Variants in PLEKHA6 observed in about 807,000 individuals in gnomAD.
PLEKHA6 encodes pleckstrin homology domain containing A6, also known as pleckstrin homology domain-containing family A member 6.
A neutral mutation model predicts 116.7 loss-of-function variants in PLEKHA6; 60 were observed. The ratio of observed to expected loss-of-function variants is 0.51; its 90% CI spans 0.42 to 0.64. The LOEUF (loss-of-function observed/expected upper bound fraction) is 0.64, where lower values mean the gene tolerates loss of function less well. PLEKHA6 is among the 30% of genes least tolerant of loss of function. PLEKHA6 has a pLI of 0.00. For missense variants in PLEKHA6, 1,338 were observed against 1,422.7 expected (o/e 0.94, Z 0.96); for synonymous variants, 489 against 556.1 (o/e 0.88, Z 1.70).
Position 204,293,402 on chromosome 1 carries a change from T to G in PLEKHA6, c.-94-18593A>C, listed in dbSNP as rs184171454. ...CGCCCGCCTTGGCCTCCCAAAGTGC[T>G]GGGATTACAAGCATGAGCCACTGCA... On this transcript the variant is annotated intron_variant, in intron 1 of 22. Transcript: ENST00000272203. Among the ~76,000 whole-genome samples the G allele has an allele frequency of 7.9e-5, 12 of 152,346 alleles. No individual in the cohort carries two copies. In the East Asian group the frequency reaches 2.3e-3, roughly 29 times the overall value.
At chr1:204,333,761 C>T (rs1672542337) in intron 1 of PLEKHA6, among the ~76,000 whole-genome samples, 1 of 152,200 alleles carries the variant, frequency 6.6e-6, no homozygotes, top group African/African-American at 2.4e-5. Context: ...AACCTCCTGG[C>T]CCCTGCTCTC....
At chr1:204,273,292 G>A (rs937050807) in intron 3 of PLEKHA6, among the ~76,000 whole-genome samples, 1 of 152,212 alleles carries the variant, frequency 6.6e-6, no homozygotes, top group African/African-American at 2.4e-5. Flanking sequence ...CTGGAAAAGA[G>A]GTGCTACTGG....
At chr1:204,255,603 AG>A (rs1382794439) in intron 9 of PLEKHA6, 1 of 702,300 alleles carries the variant, frequency 1.4e-6, no homozygotes, top group Middle Eastern at 2.3e-4. Flanking sequence ...TGGGATGATA[AG>A]GGGGGCACCA....
At chr1:204,313,069 TC>T (rs1671722270) in intron 1 of PLEKHA6, among the ~76,000 whole-genome samples, 1 of 104,824 alleles carries the variant, frequency 9.5e-6, no homozygotes, top group African/African-American at 3.6e-5. Context: ...CCTCCCTTCC[TC>T]CCTTCCTCCC....
chr1:204,300,016 C>T (rs904967212), intron 1 of PLEKHA6, among the ~76,000 whole-genome samples: 2 of 152,094 alleles, frequency 1.3e-5, no homozygotes, highest in African/African-American at 4.8e-5. Flanking sequence ...CTAGAGATGA[C>T]CCAGAAATGG....
intron 1 of PLEKHA6, among the ~76,000 whole-genome samples, chr1:204,337,719 G>A (rs80250752): frequency 2.6e-5 from 4 of 152,160 alleles, no homozygotes; most frequent in East Asian, 1.9e-4. Flanking sequence ...TCTCACTTGG[G>A]GGGGGAATCC....
chr1:204,251,478 C>T (rs766540165), intron 9 of PLEKHA6: 7 of 696,496 alleles, frequency 1.0e-5, no homozygotes, highest in African/African-American at 5.3e-5. Context: ...CGACCATGCA[C>T]AAGCAGCTGA....
At chr1:204,297,799 T>G in intron 1 of PLEKHA6, 8 of 676,882 alleles carry the variant, frequency 1.2e-5, no homozygotes, top group African/African-American at 1.9e-5. Context: ...TTGCTAACTA[T>G]GAGCTGTTTC....
intron 1 of PLEKHA6, among the ~76,000 whole-genome samples, chr1:204,329,974 C>T (rs958139573): frequency 6.6e-6 from 1 of 151,520 alleles, no homozygotes; most frequent in Non-Finnish European, 1.5e-5. Flanking sequence ...GATTTAAATG[C>T]TATAATGACC....
At chr1:204,300,993 G>T (rs1287140395) in intron 1 of PLEKHA6, among the ~76,000 whole-genome samples, 1 of 152,200 alleles carries the variant, frequency 6.6e-6, no homozygotes, top group East Asian at 1.9e-4. Context: ...ACCTGAACTG[G>T]CAAGAGACTC....
intron 1 of PLEKHA6, chr1:204,301,101 G>T (rs1670769271): frequency 1.2e-5 from 3 of 240,988 alleles, no homozygotes; most frequent in Non-Finnish European, 2.0e-5. Context: ...CCTACTGAAG[G>T]TTTTATGTAA....
intron 4 of PLEKHA6, 80 bp downstream of exon 4, chr1:204,268,128 C>T: frequency 1.2e-6 from 1 of 848,546 alleles, no homozygotes; most frequent in Non-Finnish European, 1.8e-6. Flanking sequence ...AATACACAGC[C>T]TGTCATAAGC....
chr1:204,374,041 C>T lies in PLEKHA6; in HGVS notation c.84-2435G>A, dbSNP rs115884099. Among the ~76,000 whole-genome samples the T allele has an allele frequency of 3.1e-3, 476 of 152,250 alleles. 2 individuals are homozygous for T. Among genetic ancestry groups the T allele is most frequent in the African/African-American group, 0.011 (459 of 41,528 alleles). ...TCTCCCCTCCTTGCACACTGTCCGC[C>T]CCCTCAGATTCCCATCTATCTCTAC... On this transcript the variant is annotated intron_variant, in intron 1 of 4. Transcript: ENST00000564627.
intron 1 of PLEKHA6, among the ~76,000 whole-genome samples, chr1:204,320,115 C>T (rs1174734884): frequency 6.6e-6 from 1 of 152,194 alleles, no homozygotes; most frequent in Non-Finnish European, 1.5e-5. Context: ...TCCTTATTCT[C>T]TCCTTTCCCA....
rs879857173 is a variant in PLEKHA6 at position 204,277,358 on chromosome 1, C to A, written c.-94-2549G>T. ...GGATGATATCCTCCCCATTCAGCAC[C>A]CCAAGGAGAAAATGCTGAAATGGAG... On this transcript the variant is annotated intron_variant, in intron 1 of 22. Coordinates refer to ENST00000272203, the MANE Select transcript of PLEKHA6 (RefSeq NM_014935.5). This position sits in a 1 kb window ranked among gnomAD's most constrained non-coding sequence, Gnocchi z 4.1. Among the ~76,000 whole-genome samples, 9 of 152,110 alleles carry A rather than the reference C, an allele frequency of 5.9e-5. No homozygotes were observed. The highest frequency in any genetic ancestry group is 1.0e-4 in the Non-Finnish European group (7 of 68,018).
rs780365703 is a variant in PLEKHA6 at position 204,257,323 on chromosome 1, T to G, written c.1524+30A>C. 5 of 1,550,478 alleles carry G rather than the reference T, an allele frequency of 3.2e-6. No individual in the cohort carries two copies. The South Asian group carries it at 5.9e-5, about 18-fold the overall frequency. On this transcript the variant is annotated intron_variant, in intron 9 of 22. Coordinates refer to ENST00000272203, the MANE Select transcript of PLEKHA6 (RefSeq NM_014935.5). This position sits in a 1 kb window ranked among gnomAD's most constrained non-coding sequence, Gnocchi z 6.5. ...TTAGGCTTCTGGGGACCTCAGGGGA[T>G]GAGGAAGGAAGGGCAGGCTGGTGGC... is the stretch of plus-strand genomic sequence containing the variant.
intron 1 of PLEKHA6, among the ~76,000 whole-genome samples, chr1:204,328,499 T>G (rs2103259213): frequency 6.6e-6 from 1 of 152,036 alleles, no homozygotes; most frequent in African/African-American, 2.4e-5. Flanking sequence ...CGGGTTTCCC[T>G]GCCTCAGCCT....
intron 1 of PLEKHA6, among the ~76,000 whole-genome samples, chr1:204,319,850 C>A (rs1412246689): frequency 6.6e-6 from 1 of 151,910 alleles, no homozygotes; most frequent in Non-Finnish European, 1.5e-5. Context: ...GAGAAAGGGA[C>A]AGGGCGGGCA....
intron 1 of PLEKHA6, among the ~76,000 whole-genome samples, chr1:204,297,395 AG>A (rs1480406767): frequency 6.6e-6 from 1 of 152,214 alleles, no homozygotes; most frequent in Non-Finnish European, 1.5e-5. Context: ...ATGGCTACAA[AG>A]GACAAGGTCG....
Sources: gnomAD v4.1 joint callset for allele counts (sites outside exome capture counted in the v4.1 genomes callset) on GRCh38, gnomAD v4.1.1 for gene constraint, Gnocchi (gnomAD v3.1) non-coding constraint, MANE v1.5 for transcripts, NCBI Gene and HGNC (gene_info 2026-07-23, HGNC 2026-07-21) for gene names.